Variants in PRKN observed in about 807,000 individuals in gnomAD.
PRKN encodes the protein E3 ubiquitin-protein ligase parkin.
In PRKN, 56 loss-of-function variants were observed where a neutral mutation model predicts 59.5. The observed-to-expected ratio is 0.94, with a 90% CI of 0.76 to 1.18. PRKN has a LOEUF of 1.18. Ranked by LOEUF, PRKN falls within the 50% of genes most tolerant of loss-of-function variation. The pLI is 0.00. For synonymous variants in PRKN, 250 were observed against 222.1 expected (o/e 1.13, Z -1.12); for missense variants, 657 against 596.4 (o/e 1.10, Z -1.06).
intron 5 of PRKN, among the ~76,000 whole-genome samples, chr6:162,043,074 CA>C (rs1402213424): frequency 6.6e-6 from 1 of 152,002 alleles, no homozygotes; most frequent in Admixed American, 6.6e-5. Context: ...ATGGCAGTGG[CA>C]AGAGAAAAAT....
At chr6:162,608,430 A>T (rs963568162) in intron 1 of PRKN, among the ~76,000 whole-genome samples, 4 of 152,162 alleles carry the variant, frequency 2.6e-5, no homozygotes, top group African/African-American at 7.2e-5. Context: ...TCGGATGCTA[A>T]ATCTCCCAGG....
chr6:161,379,964 A>G lies in PRKN; in HGVS notation c.1167+6830T>C, dbSNP rs1331346302. On this transcript the variant is annotated intron_variant, in intron 10 of 11. Coordinates refer to ENST00000366898, the MANE Select transcript of PRKN (RefSeq NM_004562.3). The surrounding 1 kb of genome is among the most constrained non-coding windows in gnomAD (Gnocchi z 4.9). ...CACCCATCTGATGACGTCAATCTTT[A>G]AAAAATCTCCAGATGCCTTCTCACT... Among the ~76,000 whole-genome samples, 1 of 152,174 alleles carries G rather than the reference A, an allele frequency of 6.6e-6. No individual in the cohort carries two copies. Among genetic ancestry groups the G allele is most frequent in the Non-Finnish European group, 1.5e-5 (1 of 68,022 alleles).
In PRKN at chr6:161,428,302, G is replaced by A. The variant is rs1015646248; in HGVS notation, c.1084-41425C>T. Among the ~76,000 whole-genome samples, 29 of 152,318 alleles carry A rather than the reference G, an allele frequency of 1.9e-4. No homozygotes were observed. The highest frequency in any genetic ancestry group is 6.3e-4 in the African/African-American group (26 of 41,572). Reference sequence around the variant, plus strand: ...CTTCCATTGACTGCTACCTGATATTGAGGAAGGTATAAGGTGTCAGATTCC... The same window carrying A: ...CTTCCATTGACTGCTACCTGATATTAAGGAAGGTATAAGGTGTCAGATTCC... On this transcript the variant is annotated intron_variant, in intron 9 of 11. Transcript: ENST00000366898. This position sits in a 1 kb window ranked among gnomAD's most constrained non-coding sequence, Gnocchi z 4.0.
chr6:162,282,158 C>A (rs893670342), intron 2 of PRKN, among the ~76,000 whole-genome samples: 1 of 152,242 alleles, frequency 6.6e-6, no homozygotes, highest in South Asian at 2.1e-4. Context: ...TATAGAGCAA[C>A]GCATGGGCAA....
intron 2 of PRKN, among the ~76,000 whole-genome samples, chr6:162,296,255 C>T (rs535541363): frequency 8.3e-4 from 118 of 142,546 alleles, no homozygotes; most frequent in African/African-American, 2.7e-3. Flanking sequence ...TCTATGCCAG[C>T]GCCCAGTACC....
At chr6:162,618,460 A>G (rs1337069628) in intron 1 of PRKN, among the ~76,000 whole-genome samples, 16 of 152,204 alleles carry the variant, frequency 1.1e-4, no homozygotes, top group Non-Finnish European at 1.0e-4. Context: ...TTATAAATTT[A>G]TACAATTATA....
intron 6 of PRKN, among the ~76,000 whole-genome samples, chr6:161,813,097 C>T (rs1388373227): frequency 6.6e-6 from 1 of 152,206 alleles, no homozygotes; most frequent in African/African-American, 2.4e-5. Context: ...TGGACTGAAG[C>T]AGGTGAGAGA....
At chr6:162,172,721 TAC>T (rs1477559712) in intron 4 of PRKN, among the ~76,000 whole-genome samples, 61 of 152,300 alleles carry the variant, frequency 4.0e-4, no homozygotes, top group African/African-American at 1.3e-3. Context: ...TCATGTACTT[TAC>T]AAAAGTGACA....
intron 7 of PRKN, among the ~76,000 whole-genome samples, chr6:161,636,387 C>T (rs71567617): frequency 0.083 from 12,681 of 152,302 alleles, 716 homozygotes; most frequent in Middle Eastern, 0.17. Flanking sequence ...GGGGGCTGTC[C>T]ATTCCGGAGA....
rs1027575276 is a variant in PRKN at position 161,460,565 on chromosome 6, G to A, written c.1084-73688C>T. On this transcript the variant is annotated intron_variant, in intron 9 of 11. Transcript: ENST00000366898. The surrounding 1 kb of genome is among the most constrained non-coding windows in gnomAD (Gnocchi z 5.0). ...CTGGTAGGTAAGGAGCAATGCTGGG[G>A]TAGAAGCCCCAGGTGCCACATGTGC... Among the ~76,000 whole-genome samples the A allele has an allele frequency of 6.6e-6, 1 of 152,106 alleles. No individual in the cohort carries two copies. The highest frequency in any genetic ancestry group is 2.4e-5 in the African/African-American group (1 of 41,412).
chr6:162,492,956 C>CAAAAAAAAAAAAAAAAAAAA (rs34716532), intron 1 of PRKN, among the ~76,000 whole-genome samples: 1 of 110,348 alleles, frequency 9.1e-6, no homozygotes, highest in Non-Finnish European at 1.8e-5. Flanking sequence ...TTGTCTCAAA[C>CAAAAAAAAAAAAAAAAAAAA]AAAAAAAAAA....
At chr6:162,044,983 C>T (rs938874242) in intron 5 of PRKN, among the ~76,000 whole-genome samples, 24 of 152,134 alleles carry the variant, frequency 1.6e-4, no homozygotes, top group African/African-American at 5.1e-4. Flanking sequence ...TAAAAATCAT[C>T]GTTTGCCTAC....
At position 162,201,204 on chromosome 6, in the gene PRKN, CAG is replaced by C. The variant is rs1482324720; in HGVS notation, c.459_460del (p.Cys154SerfsTer31). 6.2e-7 allele frequency: 1 copy of C among 1,614,028 alleles called. No individual in the cohort carries two copies. The highest frequency in any genetic ancestry group is 1.7e-5 in the Admixed American group (1 of 60,018). ...GAGTTTTCCCGGCTGCACTCTTTGACAGGGGCCTTTGCAATACACATAAAAGC... is the reference window on the plus strand; with the variant it reads ...GAGTTTTCCCGGCTGCACTCTTTGACGGGCCTTTGCAATACACATAAAAGC... On this transcript the variant is annotated frameshift_variant, in exon 4 of 12. Coordinates refer to ENST00000366898, the MANE Select transcript of PRKN (RefSeq NM_004562.3). LOFTEE classifies it high-confidence loss of function.
At chr6:161,944,121 G>A (rs558565833) in intron 6 of PRKN, among the ~76,000 whole-genome samples, 12 of 130,432 alleles carry the variant, frequency 9.2e-5, no homozygotes, top group Admixed American at 7.2e-4. Flanking sequence ...CAGCCTGAGG[G>A]ACCAGCCTGA....
At chr6:161,765,126 T>C (rs1789367849) in intron 7 of PRKN, among the ~76,000 whole-genome samples, 1 of 152,194 alleles carries the variant, frequency 6.6e-6, no homozygotes, top group African/African-American at 2.4e-5. Context: ...TCCTGTTAAG[T>C]GTTATTATCC....
At chr6:161,427,986 TCAGAGGGTCCCGA>T (rs1179246539) in intron 9 of PRKN, among the ~76,000 whole-genome samples, 1 of 152,094 alleles carries the variant, frequency 6.6e-6, no homozygotes, top group Admixed American at 6.5e-5. Context: ...GGGGATGGGC[TCAGAGGGTCCCGA>T]CAGAGGGTGA....
chr6:161,769,497 C>G (rs1005849355), intron 7 of PRKN, among the ~76,000 whole-genome samples: 1 of 152,146 alleles, frequency 6.6e-6, no homozygotes, highest in Non-Finnish European at 1.5e-5. Flanking sequence ...GCTCCCAGTA[C>G]CCCTAGAGGA....
At chr6:161,902,852 C>T (rs755176848) in intron 6 of PRKN, among the ~76,000 whole-genome samples, 9 of 152,226 alleles carry the variant, frequency 5.9e-5, no homozygotes, top group Admixed American at 1.3e-4. Flanking sequence ...CCACCTTGCC[C>T]GGCTCATCTA....
At chr6:162,467,040 C>T (rs1228716986) in intron 1 of PRKN, among the ~76,000 whole-genome samples, 2 of 152,074 alleles carry the variant, frequency 1.3e-5, no homozygotes, top group Admixed American at 6.6e-5. Context: ...TATTATGATT[C>T]CCTGGATTCT....
Sources: gnomAD v4.1 joint callset for allele counts (sites outside exome capture counted in the v4.1 genomes callset) on GRCh38, gnomAD v4.1.1 for gene constraint, Gnocchi (gnomAD v3.1) non-coding constraint, MANE v1.5 for transcripts, NCBI Gene and HGNC (gene_info 2026-07-23, HGNC 2026-07-21) for gene names.